Variants in KHDRBS2 observed in about 807,000 individuals in gnomAD.
KHDRBS2 encodes KH domain-containing, RNA-binding, signal transduction-associated protein 2.
Under a neutral mutation model 44.3 loss-of-function variants are expected in KHDRBS2, and 26 were observed. The observed-to-expected ratio is 0.59, with a 90% CI of 0.43 to 0.81. The LOEUF (loss-of-function observed/expected upper bound fraction) is 0.81. KHDRBS2 is among the 40% of genes least tolerant of loss of function. The pLI, the probability that KHDRBS2 is intolerant of heterozygous loss-of-function variation, is 0.00. For synonymous variants in KHDRBS2, 194 were observed against 151.1 expected, an observed-to-expected ratio of 1.28 and a Z score of -2.08; for missense variants, 476 against 433.1, an observed-to-expected ratio of 1.10 and a Z score of -0.88.
chr6:62,196,722 G>A (rs1825782033), intron 1 of KHDRBS2, among the ~76,000 whole-genome samples: 1 of 152,038 alleles, frequency 6.6e-6, no homozygotes, highest in Admixed American at 6.6e-5. Context: ...TGAGCTTGAG[G>A]GACAAACTTA....
At chr6:61,848,508 T>TATATATATATATATAC (rs1794832572) in intron 6 of KHDRBS2, among the ~76,000 whole-genome samples, 2 of 53,676 alleles carry the variant, frequency 3.7e-5, no homozygotes, top group Non-Finnish European at 6.6e-5. Flanking sequence ...TATATATATA[T>TATATATATATATATAC]ATGTATATAT....
intron 1 of KHDRBS2, among the ~76,000 whole-genome samples, chr6:62,245,678 C>T (rs1835434887): frequency 6.6e-6 from 1 of 151,966 alleles, no homozygotes; most frequent in African/African-American, 2.4e-5. Context: ...AATTTACAGA[C>T]ACATCATATA....
chr6:61,667,973 CTAAGTTTTACCTATGAGTAAT>C, the KHDRBS2 span, among the ~76,000 whole-genome samples: 2 of 151,114 alleles, frequency 1.3e-5, no homozygotes, highest in African/African-American at 4.8e-5. Flanking sequence ...AAACTCATCA[CTAAGTTTTACCTATGAGTAAT>C]TAAGTTTTTA....
chr6:61,790,218 A>C (rs1784419058), intron 6 of KHDRBS2, among the ~76,000 whole-genome samples: 1 of 151,312 alleles, frequency 6.6e-6, no homozygotes, highest in South Asian at 2.1e-4. Context: ...TATTAGAAGG[A>C]TTTCCTCATT....
At chr6:62,053,053 C>G (rs946632843) in intron 2 of KHDRBS2, among the ~76,000 whole-genome samples, 8 of 151,996 alleles carry the variant, frequency 5.3e-5, no homozygotes, top group African/African-American at 1.9e-4. Context: ...GTTTGCTTCA[C>G]TACAGTAAAC....
intron 2 of KHDRBS2, among the ~76,000 whole-genome samples, chr6:62,075,586 A>G (rs73758649): frequency 2.6e-5 from 4 of 151,894 alleles, no homozygotes; most frequent in Admixed American, 2.6e-4. Flanking sequence ...GTTTCAATGT[A>G]TAAGTTACTT....
chr6:62,000,748 C>T (rs1778086912), intron 3 of KHDRBS2, among the ~76,000 whole-genome samples: 1 of 152,108 alleles, frequency 6.6e-6, no homozygotes, highest in Non-Finnish European at 1.5e-5. Flanking sequence ...GAGGCGGTCT[C>T]ATGAGGTTCT....
At chr6:61,638,325 C>T in the KHDRBS2 span, among the ~76,000 whole-genome samples, 1 of 152,106 alleles carries the variant, frequency 6.6e-6, no homozygotes, top group Admixed American at 6.6e-5. Context: ...ATCAATGGAA[C>T]AGAACAGAGC....
At chr6:61,751,574 A>T (rs1777698229) in intron 6 of KHDRBS2, among the ~76,000 whole-genome samples, 1 of 152,178 alleles carries the variant, frequency 6.6e-6, no homozygotes. Flanking sequence ...TCACATTTTC[A>T]CTTAAAAACA....
chr6:61,944,845 C>A (rs1812872032), intron 4 of KHDRBS2, among the ~76,000 whole-genome samples: 1 of 151,560 alleles, frequency 6.6e-6, no homozygotes, highest in Admixed American at 6.6e-5. Flanking sequence ...AATCCCAGCA[C>A]TTTGGGAGGC....
intron 3 of KHDRBS2, among the ~76,000 whole-genome samples, chr6:61,999,871 A>G (rs1777899992): frequency 6.6e-6 from 1 of 152,318 alleles, no homozygotes; most frequent in South Asian, 2.1e-4. Context: ...CATCATTATT[A>G]AAATCAGAAA....
intron 4 of KHDRBS2, among the ~76,000 whole-genome samples, chr6:61,948,403 T>C (rs952670886): frequency 2.6e-5 from 4 of 152,046 alleles, no homozygotes; most frequent in African/African-American, 9.7e-5. Flanking sequence ...AAAAACTTAG[T>C]CAATGTTTAA....
chr6:61,743,752 A>T (rs1047112654), intron 6 of KHDRBS2, among the ~76,000 whole-genome samples: 1 of 151,316 alleles, frequency 6.6e-6, no homozygotes, highest in African/African-American at 2.4e-5. Flanking sequence ...TTTAGCATTA[A>T]GTATATCTCT....
chr6:62,194,487 T>C (rs1335162527), intron 1 of KHDRBS2, among the ~76,000 whole-genome samples: 1 of 10,050 alleles, frequency 1.0e-4, no homozygotes, highest in African/African-American at 2.9e-4. Flanking sequence ...TTCCTTTTTT[T>C]TTTTTTTTTT....
At chr6:61,924,139 G>C (rs1275816636) in intron 4 of KHDRBS2, among the ~76,000 whole-genome samples, 1 of 151,992 alleles carries the variant, frequency 6.6e-6, no homozygotes, top group Non-Finnish European at 1.5e-5. Context: ...AGAAAACCTT[G>C]CTGAGAAAAA....
At chr6:62,138,124 A>T (rs562072762) in intron 2 of KHDRBS2, among the ~76,000 whole-genome samples, 20 of 152,280 alleles carry the variant, frequency 1.3e-4, no homozygotes, top group Admixed American at 2.6e-4. Context: ...TCTGAATAAG[A>T]CTTGGAGTTC....
the KHDRBS2 span, among the ~76,000 whole-genome samples, chr6:61,641,403 A>G: frequency 6.6e-6 from 1 of 152,150 alleles, no homozygotes; most frequent in Non-Finnish European, 1.5e-5. Flanking sequence ...AAGCAACTTG[A>G]AACTGTAAAC....
rs537293186 is a variant in KHDRBS2 at position 62,234,267 on chromosome 6, G to T, written c.91+51591C>A. Among the ~76,000 whole-genome samples, 8 of 152,198 alleles carry T rather than the reference G, an allele frequency of 5.3e-5. No homozygotes were observed. The East Asian group carries it at 1.4e-3, about 26-fold the overall frequency. ...GTTCTAGTTTACTACATACTAGTTA[G>T]GGTGACTTTGGAAAAGTAATCTGAT... On this transcript the variant is annotated intron_variant, in intron 1 of 8. Transcript: ENST00000281156.
chr6:61,930,443 A>G lies in KHDRBS2; in HGVS notation c.484-29072T>C, dbSNP rs79331296. ...TTCTTATATGAAATGCTCAAGGGGA[A>G]TAACTTCTAGTTATCACTGTGTGCC... On this transcript the variant is annotated intron_variant, in intron 4 of 8. Coordinates refer to ENST00000281156, the MANE Select transcript of KHDRBS2 (RefSeq NM_152688.4). 6.2e-3 allele frequency among the ~76,000 whole-genome samples: 917 copies of G among 148,416 alleles called. 6 individuals are homozygous for G. The highest frequency in any genetic ancestry group is 8.9e-3 in the Non-Finnish European group (602 of 67,414).
Sources: gnomAD v4.1 joint callset for allele counts (sites outside exome capture counted in the v4.1 genomes callset) on GRCh38, gnomAD v4.1.1 for gene constraint, MANE v1.5 for transcripts, NCBI Gene and HGNC (gene_info 2026-07-23, HGNC 2026-07-21) for gene names.